Variants in ERBB4 observed in about 807,000 individuals in gnomAD.
ERBB4 encodes erb-b2 receptor tyrosine kinase 4.
Under a neutral mutation model 158.0 loss-of-function variants are expected in ERBB4, and 42 were observed. The ratio of observed to expected loss-of-function variants is 0.27; its 90% CI spans 0.21 to 0.34. The LOEUF is 0.34. Among genes scored for constraint, ERBB4 ranks in the 10% least tolerant of loss-of-function variants. ERBB4 has a pLI of 1.00. For synonymous variants in ERBB4, 583 were observed against 558.7 expected, an observed-to-expected ratio of 1.04 and a Z score of -0.61; for missense variants, 1,333 against 1,624.1, an observed-to-expected ratio of 0.82 and a Z score of 3.08.
At chr2:211,509,563 A>G (rs998212643) in intron 20 of ERBB4, among the ~76,000 whole-genome samples, 1 of 152,092 alleles carries the variant, frequency 6.6e-6, no homozygotes, top group African/African-American at 2.4e-5. Context: ...CAAGTCCCCA[A>G]AAGTAATTAC....
intron 20 of ERBB4, among the ~76,000 whole-genome samples, chr2:211,518,159 C>A (rs2066087461): frequency 6.6e-6 from 1 of 151,870 alleles, no homozygotes; most frequent in Non-Finnish European, 1.5e-5. Context: ...AACTATGTAA[C>A]TTCTAGGTGT....
At chr2:212,466,661 A>C (rs1298425907) in intron 1 of ERBB4, among the ~76,000 whole-genome samples, 1 of 152,158 alleles carries the variant, frequency 6.6e-6, no homozygotes, top group Non-Finnish European at 1.5e-5. Flanking sequence ...TCTTTTGTAA[A>C]TTGCCCAGTC....
intron 1 of ERBB4, among the ~76,000 whole-genome samples, chr2:212,192,274 C>T (rs2082297367): frequency 2.6e-5 from 3 of 116,838 alleles, no homozygotes; most frequent in South Asian, 6.1e-4. Flanking sequence ...TGTCTGCAAA[C>T]TCAAGACAGA....
At chr2:212,204,221 A>G (rs545407652) in intron 1 of ERBB4, among the ~76,000 whole-genome samples, 6 of 152,288 alleles carry the variant, frequency 3.9e-5, no homozygotes, top group African/African-American at 7.2e-5. Flanking sequence ...GCTAGAGTAA[A>G]TTATTTCTCA....
At chr2:211,497,927 G>T (rs908432086) in intron 20 of ERBB4, among the ~76,000 whole-genome samples, 3 of 152,074 alleles carry the variant, frequency 2.0e-5, no homozygotes, top group African/African-American at 7.2e-5. Flanking sequence ...AAGCCTCTAC[G>T]TTCAAGTTGT....
chr2:211,873,926 T>G (rs1254780678), intron 3 of ERBB4, among the ~76,000 whole-genome samples: 2 of 152,158 alleles, frequency 1.3e-5, no homozygotes, highest in South Asian at 4.2e-4. Context: ...ATGGTATATA[T>G]AAAAAGGCTT....
intron 20 of ERBB4, among the ~76,000 whole-genome samples, chr2:211,442,436 A>T (rs1204703323): frequency 6.6e-6 from 1 of 152,044 alleles, no homozygotes; most frequent in African/African-American, 2.4e-5. Context: ...CTGGAGCTAA[A>T]CCCTGAGATT....
chr2:211,742,569 A>C (rs560116521), intron 5 of ERBB4, among the ~76,000 whole-genome samples: 44 of 148,532 alleles, frequency 3.0e-4, no homozygotes, highest in African/African-American at 1.1e-3. Context: ...AGAATAAATA[A>C]AATTCATAAG....
rs372407722 is a variant in ERBB4, at chr2:212,246,566, CA to C, written c.83-121664del. On this transcript the variant is annotated intron_variant, in intron 1 of 27. Transcript: ENST00000342788. ...TTACAAGTTAGTGCAAGAATATACA[CA>C]AAATACAAGTTAGAAAGAGATGTCA... Among the ~76,000 whole-genome samples the C allele has an allele frequency of 3.3e-5, 5 of 152,022 alleles. No homozygotes were observed. In the South Asian group the frequency reaches 1.0e-3, roughly 32 times the overall value.
At chr2:212,100,285 T>TGATGAAGA (rs1358082303) in intron 2 of ERBB4, among the ~76,000 whole-genome samples, 1 of 152,098 alleles carries the variant, frequency 6.6e-6, no homozygotes, top group African/African-American at 2.4e-5. Flanking sequence ...AAGGACAAGG[T>TGATGAAGA]GATGAAGAGA....
intron 20 of ERBB4, among the ~76,000 whole-genome samples, chr2:211,527,576 G>T (rs1264622021): frequency 6.6e-6 from 1 of 152,150 alleles, no homozygotes; most frequent in Non-Finnish European, 1.5e-5. Context: ...TAACTCTGTT[G>T]TGTGAACCAC....
chr2:212,014,981 A>G (rs1276307179), intron 2 of ERBB4, among the ~76,000 whole-genome samples: 2 of 145,182 alleles, frequency 1.4e-5, no homozygotes, highest in African/African-American at 2.6e-5. Flanking sequence ...TCACGAGGTA[A>G]GGAGAACAAG....
Position 212,274,508 on chromosome 2 carries a change from C to G in ERBB4, c.83-149605G>C, listed in dbSNP as rs190815663. Among the ~76,000 whole-genome samples the G allele has an allele frequency of 2.0e-3, 299 of 151,914 alleles. 2 individuals are homozygous for G. The highest frequency in any genetic ancestry group is 6.8e-3 in the African/African-American group (282 of 41,490). On this transcript the variant is annotated intron_variant, in intron 1 of 27. Transcript: ENST00000342788. ...TCACTTAAGCTCACCACAATAGCAA[C>G]TAGCGGAGGCTAGAAAATTAATACA...
At chr2:211,991,015 T>C (rs2082062677) in intron 2 of ERBB4, among the ~76,000 whole-genome samples, 1 of 151,954 alleles carries the variant, frequency 6.6e-6, no homozygotes, top group Non-Finnish European at 1.5e-5. Context: ...AAAAAATTAG[T>C]ATATATAAAA....
chr2:211,386,799 T>A (rs2125317800), intron 27 of ERBB4, 54 bp downstream of exon 27: 1 of 1,578,112 alleles, frequency 6.3e-7, no homozygotes, highest in Non-Finnish European at 8.7e-7. Context: ...ACTTTGTTTA[T>A]CTTGATGGAA....
intron 17 of ERBB4, among the ~76,000 whole-genome samples, chr2:211,628,621 A>T (rs987504995): frequency 5.3e-5 from 8 of 152,322 alleles, no homozygotes; most frequent in African/African-American, 1.9e-4. Context: ...ATAGTGCCGC[A>T]ATAAACATAC....
intron 3 of ERBB4, among the ~76,000 whole-genome samples, chr2:211,857,428 A>C (rs1318651555): frequency 6.6e-6 from 1 of 152,154 alleles, no homozygotes; most frequent in Non-Finnish European, 1.5e-5. Context: ...CTCACAGCAA[A>C]CTGGAAGAGC....
chr2:211,553,608 C>T (rs115884417), intron 20 of ERBB4, among the ~76,000 whole-genome samples: 1 of 152,146 alleles, frequency 6.6e-6, no homozygotes, highest in African/African-American at 2.4e-5. Context: ...TACATTCTTA[C>T]TTTATGCCAA....
At chr2:211,501,298 T>C (rs987695379) in intron 20 of ERBB4, among the ~76,000 whole-genome samples, 2 of 151,834 alleles carry the variant, frequency 1.3e-5, no homozygotes, top group African/African-American at 4.8e-5. Context: ...AGGGCTACCA[T>C]AACTAACAAT....
Sources: allele counts gnomAD v4.1 joint callset (sites outside exome capture counted in the v4.1 genomes callset), GRCh38; gene constraint gnomAD v4.1.1; transcripts MANE v1.5; gene names NCBI Gene and HGNC (gene_info 2026-07-23, HGNC 2026-07-21).